Variants in USP25 observed in about 807,000 individuals in gnomAD.
USP25 encodes the protein ubiquitin specific peptidase 25.
Under a neutral mutation model 158.5 loss-of-function variants are expected in USP25, and 85 were observed. That is an observed-to-expected ratio of 0.54 (90% CI 0.45 to 0.64). The LOEUF is 0.64. Among genes scored for constraint, USP25 ranks in the 30% least tolerant of loss-of-function variants. The pLI is 0.00. For missense variants in USP25, 1,242 were observed against 1,327.3 expected (o/e 0.94, Z 1.00); for synonymous variants, 464 against 460.4 (o/e 1.01, Z -0.10).
intron 1 of USP25, among the ~76,000 whole-genome samples, chr21:15,732,005 A>T (rs1480904910): frequency 6.6e-6 from 1 of 152,158 alleles, no homozygotes; most frequent in Non-Finnish European, 1.5e-5. Flanking sequence ...TAAGTTTAGG[A>T]TTTTTTTATT....
chr21:15,780,223 G>A (rs1294095470), intron 4 of USP25, among the ~76,000 whole-genome samples: 1 of 152,104 alleles, frequency 6.6e-6, no homozygotes, highest in African/African-American at 2.4e-5. Context: ...TTACACATTA[G>A]GATACTACAT....
rs1325133231 is a variant in USP25, at chr21:15,831,400, G to A, written c.1765-1G>A. 6.2e-7 allele frequency: 1 copy of A among 1,613,208 alleles called. No individual in the cohort carries two copies. The highest frequency in any genetic ancestry group is 8.5e-7 in the Non-Finnish European group (1 of 1,179,626). ...TTAACTCTTCTTTTTTTCACATTTAGGTTCCTTATCGATTACATGCCGTTT... is the reference window on the plus strand; with the variant it reads ...TTAACTCTTCTTTTTTTCACATTTAAGTTCCTTATCGATTACATGCCGTTT... On this transcript the variant is annotated splice_acceptor_variant, in intron 15 of 25. Coordinates refer to ENST00000400183, the MANE Select transcript of USP25 (RefSeq NM_001283041.3). LOFTEE classifies it high-confidence loss of function.
chr21:15,833,571 G>T, intron 17 of USP25, 23 bp downstream of exon 17: 1 of 1,588,026 alleles, frequency 6.3e-7, no homozygotes, highest in South Asian at 1.1e-5. Flanking sequence ...TTATTAAGTT[G>T]TGTTTGATTA....
chr21:15,731,091 G>C (rs908757548), intron 1 of USP25, among the ~76,000 whole-genome samples: 38 of 134,608 alleles, frequency 2.8e-4, no homozygotes, highest in African/African-American at 1.1e-3. Context: ...TTGTTCTTTC[G>C]TTCACCCTTT....
Position 15,816,830 on chromosome 21 carries a change from G to A in USP25, c.932-1868G>A, listed in dbSNP as rs1442353813. ...AATCCTGTGTTCTTACTTAAGTGGT[G>A]CCATTTTCAGTCCATAATCTGCCAG... On this transcript the variant is annotated intron_variant, in intron 9 of 25. Coordinates refer to ENST00000400183, the MANE Select transcript of USP25 (RefSeq NM_001283041.3). The surrounding 1 kb of genome is among the most constrained non-coding windows in gnomAD (Gnocchi z 4.0). Among the ~76,000 whole-genome samples the A allele has an allele frequency of 1.3e-5, 2 of 151,994 alleles. No homozygotes were observed. Among genetic ancestry groups the A allele is most frequent in the East Asian group, 3.9e-4 (2 of 5,180 alleles).
intron 3 of USP25, among the ~76,000 whole-genome samples, chr21:15,772,405 C>T (rs781730915): frequency 2.0e-5 from 3 of 152,132 alleles, no homozygotes; most frequent in Non-Finnish European, 4.4e-5. Context: ...TATACAGTGG[C>T]ACCCAGCTAA....
chr21:15,847,214 A>C (rs1441256727), intron 18 of USP25, among the ~76,000 whole-genome samples: 2 of 152,176 alleles, frequency 1.3e-5, no homozygotes, highest in Non-Finnish European at 2.9e-5. Context: ...TTGAGATATC[A>C]AGAAAGGTTT....
At chr21:15,832,989 G>T (rs749994538) in intron 16 of USP25, among the ~76,000 whole-genome samples, 1 of 152,080 alleles carries the variant, frequency 6.6e-6, no homozygotes, top group Non-Finnish European at 1.5e-5. Flanking sequence ...CTGCACTCCA[G>T]CCTGAGTGAC....
At chr21:15,824,943 T>C in intron 11 of USP25, 23 bp from the exon 12 acceptor site, 1 of 1,573,400 alleles carries the variant, frequency 6.4e-7, no homozygotes, top group Non-Finnish European at 8.7e-7. Flanking sequence ...TCGGAAATGC[T>C]AATGATTACC....
intron 4 of USP25, among the ~76,000 whole-genome samples, chr21:15,783,811 A>T (rs1036219549): frequency 7.5e-5 from 11 of 147,078 alleles, no homozygotes; most frequent in Non-Finnish European, 1.5e-4. Context: ...AAAAAAAAAA[A>T]TACAAAAAAT....
intron 3 of USP25, among the ~76,000 whole-genome samples, chr21:15,768,656 G>C (rs1417583066): frequency 1.3e-5 from 2 of 152,078 alleles, no homozygotes; most frequent in Admixed American, 6.6e-5. Context: ...ACTGCTGTAG[G>C]AATGTAGAAG....
Position 15,808,799 on chromosome 21 carries a change from C to T in USP25, c.781-10C>T. 7.0e-6 allele frequency: 11 copies of T among 1,579,654 alleles called. No homozygotes were observed. Among genetic ancestry groups the T allele is most frequent in the Admixed American group, 2.0e-5 (1 of 51,244 alleles). On this transcript the variant is annotated splice_polypyrimidine_tract_variant and intron_variant, in intron 7 of 25. Coordinates refer to ENST00000400183, the MANE Select transcript of USP25 (RefSeq NM_001283041.3). ...GGCTCAAATATCAACAGGCTTTTTT[C>T]TTTTCACAGCAAGATGTGAGTGAGT... is the stretch of plus-strand genomic sequence containing the variant.
chr21:15,770,855 T>C (rs530942253), intron 3 of USP25, among the ~76,000 whole-genome samples: 2 of 152,158 alleles, frequency 1.3e-5, no homozygotes, highest in Non-Finnish European at 2.9e-5. Context: ...AATAGGAACA[T>C]CTGAAGGAAG....
At chr21:15,782,336 C>T (rs575300099) in intron 4 of USP25, among the ~76,000 whole-genome samples, 22 of 152,282 alleles carry the variant, frequency 1.4e-4, no homozygotes, top group Admixed American at 9.1e-4. Context: ...GCACAGCTGC[C>T]GGGCCACAAT....
rs149093037 is a variant in USP25 at position 15,753,500 on chromosome 21, A to G, written c.46-9391A>G. Among the ~76,000 whole-genome samples the G allele has an allele frequency of 2.2e-3, 339 of 152,328 alleles. 1 individual carries two copies. Among genetic ancestry groups the G allele is most frequent in the Non-Finnish European group, 3.5e-3 (241 of 68,028 alleles). On this transcript the variant is annotated intron_variant, in intron 1 of 25. Coordinates refer to ENST00000400183, the MANE Select transcript of USP25 (RefSeq NM_001283041.3). ...TTATTTGCAATAGGGAATTTCAGTA[A>G]TATTATATTTTATACAAACCTTCAA...
chr21:15,846,469 G>C (rs928292073), intron 18 of USP25, among the ~76,000 whole-genome samples: 2 of 151,886 alleles, frequency 1.3e-5, no homozygotes, highest in Non-Finnish European at 2.9e-5. Flanking sequence ...GCCAAAAATA[G>C]TGTTTATTTT....
Position 15,826,512 on chromosome 21 carries a change from G to A in USP25, c.1466+147G>A, listed in dbSNP as rs1482469247. ...AGTAGATTCACTTAGAAGACTGTAT[G>A]TCCTCTGGGAGTTTTTTTATTATTT... On this transcript the variant is annotated intron_variant, in intron 13 of 25. Coordinates refer to ENST00000400183, the MANE Select transcript of USP25 (RefSeq NM_001283041.3). This position sits in a 1 kb window ranked among gnomAD's most constrained non-coding sequence, Gnocchi z 4.8. The A allele has an allele frequency of 3.4e-6, 3 of 892,710 alleles. No homozygotes were observed. The highest frequency in any genetic ancestry group is 2.9e-5 in the Admixed American group (1 of 34,662). 55.3% of individuals were successfully genotyped at this position (892,710 alleles called of 1,614,324 possible). A position where few individuals can be genotyped will look rare whatever the true frequency, so the allele number is the denominator to read the frequency against.
At chr21:15,746,973 G>T (rs543428060) in intron 1 of USP25, among the ~76,000 whole-genome samples, 2 of 152,124 alleles carry the variant, frequency 1.3e-5, no homozygotes, top group South Asian at 4.1e-4. Context: ...TTCTTATTTT[G>T]TTAAAAATGT....
intron 24 of USP25, chr21:15,876,209 T>TTG (rs1491331251): frequency 1.3e-5 from 2 of 152,228 alleles, no homozygotes; most frequent in Admixed American, 6.5e-5. Flanking sequence ...AACATTAAAC[T>TTG]TGTCATTAAA....
Sources: allele counts gnomAD v4.1 joint callset (sites outside exome capture counted in the v4.1 genomes callset), GRCh38; gene constraint gnomAD v4.1.1; non-coding constraint Gnocchi (gnomAD v3.1); transcripts MANE v1.5; gene names NCBI Gene and HGNC (gene_info 2026-07-23, HGNC 2026-07-21).